Variants in BMPR2 observed in about 807,000 individuals in gnomAD.
The protein encoded by BMPR2 is bone morphogenetic protein receptor type 2.
A neutral mutation model predicts 100.8 loss-of-function variants in BMPR2; 29 were observed. That is an observed-to-expected ratio of 0.29 (90% CI 0.21 to 0.39). BMPR2 has a LOEUF of 0.39. Among genes scored for constraint, BMPR2 ranks in the 10% least tolerant of loss-of-function variants. The pLI is 1.00. For synonymous variants in BMPR2, 382 were observed against 442.3 expected, an observed-to-expected ratio of 0.86 and a Z score of 1.71; for missense variants, 1,011 against 1,274.5, an observed-to-expected ratio of 0.79 and a Z score of 3.15.
At chr2:202,423,861 C>G (rs1691323908) in intron 1 of BMPR2, among the ~76,000 whole-genome samples, 1 of 152,050 alleles carries the variant, frequency 6.6e-6, no homozygotes, top group African/African-American at 2.4e-5. Flanking sequence ...TCAAGACCAG[C>G]CTGACCAACA....
intron 1 of BMPR2, among the ~76,000 whole-genome samples, chr2:202,455,698 ATGGT>A (rs1346304246): frequency 6.6e-6 from 1 of 152,084 alleles, no homozygotes; most frequent in Non-Finnish European, 1.5e-5. Flanking sequence ...TTGGCCCAAA[ATGGT>A]TAGTTTTATT....
rs557459105 is a variant in BMPR2, at chr2:202,465,248, G to A, written c.247+269G>A. 1.1e-4 allele frequency among the ~76,000 whole-genome samples: 17 copies of A among 152,056 alleles called. No individual in the cohort carries two copies. In the South Asian group the frequency reaches 3.3e-3, roughly 30 times the overall value. ...TACTAAAAATACAAAAATTAGTCGG[G>A]TATGGTGGTGTGCGCCTGTGGTCCC... On this transcript the variant is annotated intron_variant, in intron 2 of 12. Transcript: ENST00000374580.
In BMPR2 at chr2:202,376,443, C is replaced by G. The variant is rs1347680603; in HGVS notation, c.-1032C>G. Among the ~76,000 whole-genome samples the G allele has an allele frequency of 6.9e-6, 1 of 145,588 alleles. No individual in the cohort carries two copies. Among genetic ancestry groups the G allele is most frequent in the Non-Finnish European group, 1.5e-5 (1 of 65,926 alleles). ...TTCCCCGGCTACCTTCATCCGCCCT[C>G]CCGCCGCCCCCCGCCCTCGGTCCGC... is the stretch of plus-strand genomic sequence containing the variant. On this transcript the variant is annotated 5_prime_UTR_variant, in exon 1 of 13. Transcript: ENST00000374580.
chr2:202,536,227 C>T (rs1389063958), intron 9 of BMPR2, among the ~76,000 whole-genome samples: 2 of 152,066 alleles, frequency 1.3e-5, no homozygotes, highest in Non-Finnish European at 2.9e-5. Flanking sequence ...GATTCTCCCA[C>T]CTCAGCCTCT....
intron 10 of BMPR2, among the ~76,000 whole-genome samples, chr2:202,544,163 T>A (rs1224940271): frequency 1.3e-5 from 2 of 152,150 alleles, no homozygotes; most frequent in African/African-American, 4.8e-5. Flanking sequence ...AAAAAAAATT[T>A]GAAAAGTCAT....
At chr2:202,389,854 G>A (rs1690511938) in intron 1 of BMPR2, among the ~76,000 whole-genome samples, 1 of 151,864 alleles carries the variant, frequency 6.6e-6, no homozygotes, top group Non-Finnish European at 1.5e-5. Flanking sequence ...TGGTCAGGCT[G>A]GTCTCGAACT....
Position 202,555,672 on chromosome 2 carries a change from C to G in BMPR2, c.2007C>G (p.Asp669Glu). 6.2e-7 allele frequency: 1 copy of G among 1,614,048 alleles called. No individual in the cohort carries two copies. Reference protein sequence around the residue: ...TEEDLETNKLDPKEVDKNLKE... With the variant: ...TEEDLETNKLEPKEVDKNLKE... Reference sequence around the variant, plus strand: ...AAGACTTGGAAACCAACAAGCTAGACCCAAAAGAAGTTGATAAGAACCTCA... The same window carrying G: ...AAGACTTGGAAACCAACAAGCTAGAGCCAAAAGAAGTTGATAAGAACCTCA... Residue 669 changes from aspartate to glutamate, a missense_variant, in exon 12 of 13, where the codon GAC becomes GAG. Asp to Glu is a conservative substitution (Grantham distance 45). Transcript: ENST00000374580.
chr2:202,559,879 T>C lies in BMPR2; in HGVS notation c.3050T>C (p.Val1017Ala), dbSNP rs1426377148. 1.9e-6 allele frequency: 3 copies of C among 1,614,086 alleles called. No homozygotes were observed. Among genetic ancestry groups the C allele is most frequent in the Middle Eastern group, 1.6e-4 (1 of 6,062 alleles). ...RAVHSKSSTAVYLAEGGTATT... is the reference protein window; with the variant it reads ...RAVHSKSSTAAYLAEGGTATT... Reference sequence around the variant, plus strand: ...GTTCATTCCAAATCCAGCACTGCTGTTTACCTTGCAGAAGGAGGCACTGCT... The same window carrying C: ...GTTCATTCCAAATCCAGCACTGCTGCTTACCTTGCAGAAGGAGGCACTGCT... The change falls in exon 13 of 13, where the codon GTT becomes GCT. Residue 1017 changes from valine to alanine, a missense_variant. Transcript: ENST00000374580.
chr2:202,537,695 A>G (rs1001091374), intron 9 of BMPR2, among the ~76,000 whole-genome samples: 1 of 152,140 alleles, frequency 6.6e-6, no homozygotes, highest in Admixed American at 6.5e-5. Flanking sequence ...TTCTACCACG[A>G]TAAAAAAAAA....
intron 3 of BMPR2, among the ~76,000 whole-genome samples, chr2:202,481,404 T>A (rs1456989136): frequency 6.6e-6 from 1 of 152,106 alleles, no homozygotes; most frequent in Non-Finnish European, 1.5e-5. Context: ...GGTCTCGAAC[T>A]CCTGACTCAG....
intron 10 of BMPR2, among the ~76,000 whole-genome samples, chr2:202,551,770 G>T (rs953027725): frequency 6.6e-6 from 1 of 152,086 alleles, no homozygotes; most frequent in African/African-American, 2.4e-5. Context: ...CACGATCTTG[G>T]CTCAGTGCAA....
chr2:202,476,947 CAAAA>C (rs35516927), intron 3 of BMPR2, among the ~76,000 whole-genome samples: 1 of 121,310 alleles, frequency 8.2e-6, no homozygotes. Context: ...AATCAACTGC[CAAAA>C]AAAAAAAAAA....
chr2:202,500,878 T>G (rs560147537), intron 3 of BMPR2, among the ~76,000 whole-genome samples: 53 of 152,212 alleles, frequency 3.5e-4, no homozygotes, highest in Admixed American at 8.5e-4. Context: ...ACTCCCAGTT[T>G]CTCTTTGCTT....
Position 202,520,101 on chromosome 2 carries a change from G to A in BMPR2, c.867G>A (p.Lys289=). The A allele has an allele frequency of 1.2e-6, 2 of 1,605,900 alleles. No homozygotes were observed. The highest frequency in any genetic ancestry group is 1.7e-6 in the Non-Finnish European group (2 of 1,176,354). ...CCTCTATATAGGGATCTTTATGCAAGTATTTAAGTCTCCACACAAGTGACT... is the reference window on the plus strand; with the variant it reads ...CCTCTATATAGGGATCTTTATGCAAATATTTAAGTCTCCACACAAGTGACT... ...MEYYPNGSLC[K]YLSLHTSDWV... Residue 289 remains lysine, a synonymous_variant, in exon 7 of 13, where the codon AAG becomes AAA. Coordinates refer to ENST00000374580, the MANE Select transcript of BMPR2 (RefSeq NM_001204.7).
intron 1 of BMPR2, among the ~76,000 whole-genome samples, chr2:202,390,980 CTTT>C (rs11459505): frequency 0.034 from 1,779 of 51,690 alleles, 19 homozygotes; most frequent in African/African-American, 0.13. Flanking sequence ...AGTAAGTAGT[CTTT>C]TTTTTTTTTT....
At chr2:202,543,775 A>G (rs1688325749) in intron 10 of BMPR2, among the ~76,000 whole-genome samples, 1 of 152,232 alleles carries the variant, frequency 6.6e-6, no homozygotes, top group South Asian at 2.1e-4. Flanking sequence ...ATTTAAATAC[A>G]ATAACGAGAA....
intron 1 of BMPR2, among the ~76,000 whole-genome samples, chr2:202,379,312 C>G (rs1312049347): frequency 6.6e-6 from 1 of 152,016 alleles, no homozygotes; most frequent in African/African-American, 2.4e-5. Context: ...ATTATCATTC[C>G]CCTTTTCCAT....
chr2:202,381,587 A>C (rs1381116484), intron 1 of BMPR2, among the ~76,000 whole-genome samples: 1 of 152,216 alleles, frequency 6.6e-6, no homozygotes, highest in Non-Finnish European at 1.5e-5. Context: ...GCCTGTGATG[A>C]GGCTAATGTA....
rs1446730081 is a variant in BMPR2, at chr2:202,514,956, C to G, written c.598C>G (p.Leu200Val). 1 of 1,614,104 alleles carries G rather than the reference C, an allele frequency of 6.2e-7. No individual in the cohort carries two copies. Among genetic ancestry groups the G allele is most frequent in the Non-Finnish European group, 8.5e-7 (1 of 1,180,012 alleles). The change falls in exon 5 of 13, where the codon CTA (leucine) becomes GTA (valine). Residue 200 changes from leucine (L) to valine (V), a missense_variant. Around this residue, in one of 6 missense-constraint regions of BMPR2, gnomAD observed 355 missense variants for 455.3 expected, o/e 0.78. Coordinates refer to ENST00000374580, the MANE Select transcript of BMPR2 (RefSeq NM_001204.7). ...AGCAGCATCCGAACCCTCTCTTGAT[C>G]TAGATAATCTGAAACTGTTGGAGGT... is the stretch of plus-strand genomic sequence containing the variant. ...EAAASEPSLDLDNLKLLELIG... is the reference protein window; with the variant it reads ...EAAASEPSLDVDNLKLLELIG...
Sources: allele counts gnomAD v4.1 joint callset (sites outside exome capture counted in the v4.1 genomes callset), GRCh38; gene constraint gnomAD v4.1.1; regional missense constraint gnomAD v4.1.1; transcripts MANE v1.5; gene names NCBI Gene and HGNC (gene_info 2026-07-23, HGNC 2026-07-21).